ARHGAP15: variants seen among roughly 807,000 people sequenced by gnomAD.
The protein encoded by ARHGAP15 is Rho GTPase activating protein 15, also known as rho GTPase-activating protein 15.
Under a neutral mutation model 63.7 loss-of-function variants are expected in ARHGAP15, and 51 were observed. That is an observed-to-expected ratio of 0.80 (90% CI 0.64 to 1.01). ARHGAP15 has a LOEUF of 1.01. Ranked by LOEUF, ARHGAP15 falls within the 50% of genes least tolerant of loss-of-function variation. The pLI is 0.00. For missense variants in ARHGAP15, 560 were observed against 564.6 expected, an observed-to-expected ratio of 0.99 and a Z score of 0.08; for synonymous variants, 191 against 193.8, an observed-to-expected ratio of 0.99 and a Z score of 0.12.
At chr2:143,210,383 C>T (rs1053839026) in intron 3 of ARHGAP15, among the ~76,000 whole-genome samples, 5 of 151,848 alleles carry the variant, frequency 3.3e-5, no homozygotes, top group African/African-American at 9.7e-5. Context: ...GAAAAAAAGT[C>T]GTATGGGGGT....
chr2:143,248,211 G>C (rs1694120120), intron 5 of ARHGAP15, among the ~76,000 whole-genome samples: 1 of 152,126 alleles, frequency 6.6e-6, no homozygotes, highest in Non-Finnish European at 1.5e-5. Flanking sequence ...TTATATAAAA[G>C]ACAGTCAAAG....
rs1262038671 is a variant in ARHGAP15 at position 143,499,096 on chromosome 2, A to G, written c.826+11601A>G. Among the ~76,000 whole-genome samples, 3 of 152,292 alleles carry G rather than the reference A, an allele frequency of 2.0e-5. No homozygotes were observed. The East Asian group carries it at 5.8e-4, about 29-fold the overall frequency. On this transcript the variant is annotated intron_variant, in intron 9 of 13. Coordinates refer to ENST00000295095, the MANE Select transcript of ARHGAP15 (RefSeq NM_018460.4). The stretch of plus-strand genomic sequence containing the variant: ...CAGCTTGAGAACCACCCTATTGACT[A>G]AAAAGTTAAATGCACAGCCATCCAG...
intron 6 of ARHGAP15, among the ~76,000 whole-genome samples, chr2:143,267,676 A>G (rs1247656099): frequency 2.0e-5 from 3 of 152,176 alleles, no homozygotes; most frequent in Admixed American, 6.5e-5. Flanking sequence ...TACATCATCA[A>G]ATGAATTGGT....
chr2:143,225,574 C>A (rs1359959809), intron 4 of ARHGAP15, among the ~76,000 whole-genome samples: 1 of 152,168 alleles, frequency 6.6e-6, no homozygotes, highest in Non-Finnish European at 1.5e-5. Context: ...GCACTCCAGT[C>A]CAGCCTGGGC....
intron 6 of ARHGAP15, among the ~76,000 whole-genome samples, chr2:143,286,699 T>A (rs544496721): frequency 5.3e-5 from 8 of 152,292 alleles, no homozygotes; most frequent in Admixed American, 5.2e-4. Context: ...TGGAAATGCA[T>A]CGGCAGGAAA....
chr2:143,618,070 G>A (rs541392869), intron 11 of ARHGAP15, among the ~76,000 whole-genome samples: 4 of 152,314 alleles, frequency 2.6e-5, no homozygotes, highest in African/African-American at 7.2e-5. Flanking sequence ...ACAGAAAGAT[G>A]CTACTTTTGG....
At chr2:143,382,264 C>A (rs1341524710) in intron 6 of ARHGAP15, among the ~76,000 whole-genome samples, 1 of 152,140 alleles carries the variant, frequency 6.6e-6, no homozygotes, top group Admixed American at 6.5e-5. Flanking sequence ...AACCTCTTGT[C>A]TCACTGTTTT....
chr2:143,244,744 C>T (rs924418235), intron 5 of ARHGAP15, among the ~76,000 whole-genome samples: 10 of 151,644 alleles, frequency 6.6e-5, no homozygotes, highest in South Asian at 2.1e-4. Context: ...TCACATTGAA[C>T]GAAAAAAGGT....
At chr2:143,706,076 C>T (rs1006539486) in intron 13 of ARHGAP15, among the ~76,000 whole-genome samples, 20 of 152,150 alleles carry the variant, frequency 1.3e-4, no homozygotes, top group Non-Finnish European at 2.6e-4. Flanking sequence ...GTGTTGTTTG[C>T]TAGCCACCAA....
At chr2:143,766,524 A>T (rs1686952011) in intron 13 of ARHGAP15, 1 of 152,200 alleles carries the variant, frequency 6.6e-6, no homozygotes, top group South Asian at 2.1e-4. Flanking sequence ...GCTTCCATTC[A>T]GTGGAAAGGT....
rs962736615 is a variant in ARHGAP15, at chr2:143,379,136, C to A, written c.475-56465C>A. Among the ~76,000 whole-genome samples the A allele has an allele frequency of 2.0e-5, 3 of 151,956 alleles. No individual in the cohort carries two copies. The East Asian group carries it at 5.8e-4, about 29-fold the overall frequency. On this transcript the variant is annotated intron_variant, in intron 6 of 13. Coordinates refer to ENST00000295095, the MANE Select transcript of ARHGAP15 (RefSeq NM_018460.4). The stretch of plus-strand genomic sequence containing the variant: ...CTCATTAAAAGCAGAGATGATTAAT[C>A]AATTGTCTCAAGTGCATGCATACAT...
At chr2:143,520,637 A>G (rs11679529) in intron 10 of ARHGAP15, among the ~76,000 whole-genome samples, 47,928 of 152,144 alleles carry the variant, frequency 0.32, 8,109 homozygotes, top group East Asian at 0.42. Flanking sequence ...TTGCAATTTC[A>G]TTTAATTTTA....
chr2:143,401,417 G>A (rs1296720123), intron 6 of ARHGAP15, among the ~76,000 whole-genome samples: 1 of 151,894 alleles, frequency 6.6e-6, no homozygotes, highest in Non-Finnish European at 1.5e-5. Context: ...GTATTTGAAA[G>A]GACATCATTC....
intron 6 of ARHGAP15, among the ~76,000 whole-genome samples, chr2:143,271,664 G>A (rs1001650468): frequency 6.6e-6 from 1 of 152,178 alleles, no homozygotes; most frequent in Admixed American, 6.5e-5. Context: ...CTTTAGTAGA[G>A]ACGGGGTTCC....
chr2:143,226,514 T>G (rs1202063779), intron 4 of ARHGAP15, among the ~76,000 whole-genome samples: 2 of 152,208 alleles, frequency 1.3e-5, no homozygotes, highest in Non-Finnish European at 2.9e-5. Context: ...TCTAATAATC[T>G]TTCTCTTTTT....
rs75078348 is a variant in ARHGAP15 at position 143,336,581 on chromosome 2, G to A, written c.474+85981G>A. On this transcript the variant is annotated intron_variant, in intron 6 of 13. Coordinates refer to ENST00000295095, the MANE Select transcript of ARHGAP15 (RefSeq NM_018460.4). ...CATGGATTCTGCAGTTTAAAAAAAA[G>A]TGCAGTGATAAAGCAGGCATGGCTG... 1.2e-3 allele frequency among the ~76,000 whole-genome samples: 18 copies of A among 14,496 alleles called. No individual in the cohort carries two copies. In the Admixed American group the frequency reaches 0.044, roughly 36 times the overall value. 9.5% of individuals were successfully genotyped at this position (14,496 alleles called of 152,430 possible). A position where few individuals can be genotyped will look rare whatever the true frequency, so the allele number is the denominator to read the frequency against.
At chr2:143,591,135 T>C (rs1425085631) in intron 11 of ARHGAP15, among the ~76,000 whole-genome samples, 1 of 152,164 alleles carries the variant, frequency 6.6e-6, no homozygotes, top group Non-Finnish European at 1.5e-5. Flanking sequence ...AAAATATATA[T>C]ATTGTAAATT....
At chr2:143,414,135 T>C (rs1406920235) in intron 6 of ARHGAP15, among the ~76,000 whole-genome samples, 1 of 151,208 alleles carries the variant, frequency 6.6e-6, no homozygotes, top group African/African-American at 2.4e-5. Context: ...TACTTATATA[T>C]GTAATTAAAT....
At chr2:143,706,259 T>C (rs956657649) in intron 13 of ARHGAP15, among the ~76,000 whole-genome samples, 10 of 152,186 alleles carry the variant, frequency 6.6e-5, no homozygotes, top group African/African-American at 2.2e-4. Flanking sequence ...AATAAGAAGA[T>C]TGTTTAACAG....
Sources: allele counts gnomAD v4.1 joint callset (sites outside exome capture counted in the v4.1 genomes callset), GRCh38; gene constraint gnomAD v4.1.1; transcripts MANE v1.5; gene names NCBI Gene and HGNC (gene_info 2026-07-23, HGNC 2026-07-21).